Variants in EVC observed in about 807,000 individuals in gnomAD.
EVC encodes the protein EvC ciliary complex subunit 1.
In EVC, 116 loss-of-function variants were observed where a neutral mutation model predicts 118.9. That is an observed-to-expected ratio of 0.98 (90% CI 0.84 to 1.14). The LOEUF (loss-of-function observed/expected upper bound fraction) is 1.14, where lower values mean the gene tolerates loss of function less well. Ranked by LOEUF, EVC falls within the 50% of genes most tolerant of loss-of-function variation. The pLI, the probability that EVC is intolerant of heterozygous loss-of-function variation, is 0.00. For synonymous variants in EVC, 619 were observed against 534.7 expected (o/e 1.16, Z -2.18); for missense variants, 1,401 against 1,246.4 (o/e 1.12, Z -1.87).
rs887398519 is a variant in EVC, at chr4:5,793,627, C to T, written c.1796C>T (p.Ala599Val). The part of the protein sequence containing the change: ...QDQQVWMEEC[A>V]LSSVLQTHLR... Reference sequence around the variant, plus strand: ...GTTCAGGTGTGGATGGAGGAGTGTGCGCTGTCCAGCGTGCTGCAGACACAC... The same window carrying T: ...GTTCAGGTGTGGATGGAGGAGTGTGTGCTGTCCAGCGTGCTGCAGACACAC... The change falls in exon 13 of 21, where the codon GCG becomes GTG. Residue 599 changes from alanine to valine, a missense_variant. Coordinates refer to ENST00000264956, the MANE Select transcript of EVC (RefSeq NM_153717.3). 8 of 1,551,968 alleles carry T rather than the reference C, an allele frequency of 5.2e-6. No individual in the cohort carries two copies. Among genetic ancestry groups the T allele is most frequent in the Non-Finnish European group, 6.1e-6 (7 of 1,147,352 alleles).
At chr4:5,752,745 G>T in intron 8 of EVC, 91 bp from the exon 9 acceptor site, 2 of 1,296,698 alleles carry the variant, frequency 1.5e-6, no homozygotes, top group Admixed American at 1.7e-5. Flanking sequence ...ATTAGTTAAT[G>T]ACCCTGGTGG....
chr4:5,754,479 C>T lies in EVC; in HGVS notation c.1464+546C>T, dbSNP rs116200201. ...TGAAGGAGGACAAAAAGCAAGATGT[C>T]ACCCTCCAAGGAAAAGGAGTCAGCT... On this transcript the variant is annotated intron_variant, in intron 10 of 20. Transcript: ENST00000264956. This position sits in a 1 kb window ranked among gnomAD's most constrained non-coding sequence, Gnocchi z 5.8. 0.026 allele frequency among the ~76,000 whole-genome samples: 3,987 copies of T among 152,200 alleles called. 51 individuals are homozygous for T. Among genetic ancestry groups the T allele is most frequent in the Middle Eastern group, 0.075 (22 of 294 alleles).
chr4:5,751,014 C>A (rs114929960), intron 8 of EVC, among the ~76,000 whole-genome samples: 2,323 of 152,108 alleles, frequency 0.015, 62 homozygotes, highest in African/African-American at 0.053. Flanking sequence ...TCAAAGGGAC[C>A]CTGACGGTCA....
chr4:5,764,970 T>C (rs1242872232), intron 11 of EVC, among the ~76,000 whole-genome samples: 2 of 134,614 alleles, frequency 1.5e-5, no homozygotes, highest in African/African-American at 2.8e-5. Context: ...GCTCTTGCTT[T>C]TCTAGTTCTT....
intron 11 of EVC, among the ~76,000 whole-genome samples, chr4:5,776,036 T>A (rs1018246445): frequency 2.6e-5 from 4 of 152,136 alleles, no homozygotes; most frequent in Non-Finnish European, 4.4e-5. Context: ...TTTTTTTTAA[T>A]CAAGTTAAGG....
chr4:5,712,183 G>A (rs3774856), intron 1 of EVC, among the ~76,000 whole-genome samples: 124,556 of 152,162 alleles, frequency 0.82, 51,171 homozygotes, highest in African/African-American at 0.88. Context: ...GCGATGGGAC[G>A]CTGGCAATGC....
intron 11 of EVC, chr4:5,758,146 G>A (rs1174062327): frequency 4.3e-6 from 3 of 701,974 alleles, no homozygotes; most frequent in Non-Finnish European, 5.2e-6. Flanking sequence ...AGGGACTGGA[G>A]TGATGCAGCC....
rs1045412950 is a variant in EVC at position 5,798,870 on chromosome 4, T to C, written c.2304+78T>C. 2 of 1,444,064 alleles carry C rather than the reference T, an allele frequency of 1.4e-6. No homozygotes were observed. Among genetic ancestry groups the C allele is most frequent in the African/African-American group, 2.8e-5 (2 of 71,334 alleles). 89.5% of individuals were successfully genotyped at this position (1,444,064 alleles called of 1,614,324 possible). A position where few individuals can be genotyped will look rare whatever the true frequency, so the allele number is the denominator to read the frequency against. On this transcript the variant is annotated intron_variant, in intron 15 of 20. Coordinates refer to ENST00000264956, the MANE Select transcript of EVC (RefSeq NM_153717.3). This position sits in a 1 kb window ranked among gnomAD's most constrained non-coding sequence, Gnocchi z 4.1. The stretch of plus-strand genomic sequence containing the variant: ...AGGGTCCATGCCTGGGTCTGCTCCT[T>C]GCCACACCGTTCATGGAGCTTGTGG...
intron 11 of EVC, among the ~76,000 whole-genome samples, chr4:5,757,489 A>G (rs1169251893): frequency 6.6e-6 from 1 of 152,246 alleles, no homozygotes; most frequent in African/African-American, 2.4e-5. Context: ...CTGGTGGGTT[A>G]AACAACAGAA....
At chr4:5,827,697 C>T in the EVC span, among the ~76,000 whole-genome samples, 1 of 151,332 alleles carries the variant, frequency 6.6e-6, no homozygotes, top group African/African-American at 2.4e-5. Context: ...TACACATGCA[C>T]ACATGACACG....
chr4:5,824,892 T>G, the EVC span: 3 of 985,396 alleles, frequency 3.0e-6, no homozygotes, highest in Non-Finnish European at 3.6e-6. Flanking sequence ...CCCTGAGACC[T>G]TAAGAAAGTC....
intron 12 of EVC, among the ~76,000 whole-genome samples, chr4:5,785,310 G>T (rs1198821444): frequency 6.6e-6 from 1 of 152,214 alleles, no homozygotes; most frequent in African/African-American, 2.4e-5. Context: ...TGGCAGTGCT[G>T]TTAAGCCATT....
rs909084300 is a variant in EVC at position 5,797,104 on chromosome 4, G to C, written c.1969G>C (p.Ala657Pro). The C allele has an allele frequency of 6.2e-7, 1 of 1,613,560 alleles. No individual in the cohort carries two copies. The highest frequency in any genetic ancestry group is 1.3e-5 in the African/African-American group (1 of 75,060). ...GCTGGCACTCCGCGGCAACGCCCTG[G>C]CCACCCTGACGCAGATGCGGCTATC... ...RRLALRGNAL[A>P]TLTQMRLSGK... The change falls in exon 14 of 21, where the codon GCC becomes CCC. Residue 657 changes from alanine to proline, a missense_variant. Transcript: ENST00000264956.
chr4:5,769,723 G>A (rs1007261274), intron 11 of EVC, among the ~76,000 whole-genome samples: 4 of 152,124 alleles, frequency 2.6e-5, no homozygotes, highest in African/African-American at 9.7e-5. Flanking sequence ...GAAAGGCTCT[G>A]GGAGAAGGTG....
intron 16 of EVC, 106 bp downstream of exon 16, chr4:5,802,200 A>G (rs1715137626): frequency 1.4e-6 from 2 of 1,456,870 alleles, no homozygotes; most frequent in Non-Finnish European, 1.9e-6. Context: ...TTTTGGGAAT[A>G]TAATTATTTC....
chr4:5,729,346 G>A lies in EVC; in HGVS notation c.340G>A (p.Ala114Thr), dbSNP rs756208272. 9 of 1,613,862 alleles carry A rather than the reference G, an allele frequency of 5.6e-6. No homozygotes were observed. Among genetic ancestry groups the A allele is most frequent in the African/African-American group, 2.7e-5 (2 of 74,840 alleles). The change falls in exon 3 of 21, where the codon GCC becomes ACC. Residue 114 changes from alanine (A) to threonine (T), a missense_variant. Coordinates refer to ENST00000264956, the MANE Select transcript of EVC (RefSeq NM_153717.3). ...TTCCAACAGCAATATCACAGCATTCGCCCTGAAGGCCAAAGTCATCTACCC... is the reference window on the plus strand; with the variant it reads ...TTCCAACAGCAATATCACAGCATTCACCCTGAAGGCCAAAGTCATCTACCC... ...PPSNSNITAF[A>T]LKAKVIYPIN...
rs752347670 is a variant in EVC at position 5,756,238 on chromosome 4, A to G, written c.1465-26A>G. The G allele has an allele frequency of 5.1e-6, 8 of 1,556,438 alleles. No individual in the cohort carries two copies. Among genetic ancestry groups the G allele is most frequent in the Non-Finnish European group, 7.1e-6 (8 of 1,134,454 alleles). On this transcript the variant is annotated intron_variant, in intron 10 of 20. Coordinates refer to ENST00000264956, the MANE Select transcript of EVC (RefSeq NM_153717.3). This position sits in a 1 kb window ranked among gnomAD's most constrained non-coding sequence, Gnocchi z 4.2. ...AAAAAAAACCCTGCATGTTTCTACC[A>G]GACTCAGCTCTTGTTTTCCTCACAG...
chr4:5,719,183 A>C lies in EVC; in HGVS notation c.175-65A>C. Reference sequence around the variant, plus strand: ...TTGACTGGCAAAAGTCACGGTGGGGACCAGGCCGACTGACCTCAATGTTGT... The same window carrying C: ...TTGACTGGCAAAAGTCACGGTGGGGCCCAGGCCGACTGACCTCAATGTTGT... On this transcript the variant is annotated intron_variant, in intron 1 of 20. Transcript: ENST00000264956. The surrounding 1 kb of genome is among the most constrained non-coding windows in gnomAD (Gnocchi z 4.7). The C allele has an allele frequency of 5.0e-6, 8 of 1,609,980 alleles. No individual in the cohort carries two copies. Among genetic ancestry groups the C allele is most frequent in the Non-Finnish European group, 6.8e-6 (8 of 1,177,250 alleles).
downstream of EVC, among the ~76,000 whole-genome samples, chr4:5,816,694 T>G (rs1717749122): frequency 8.3e-6 from 1 of 120,982 alleles, no homozygotes; most frequent in African/African-American, 3.0e-5. Context: ...TCCCTTCCCT[T>G]CTCCCCTCTC....
Sources: allele counts gnomAD v4.1 joint callset (sites outside exome capture counted in the v4.1 genomes callset), GRCh38; gene constraint gnomAD v4.1.1; non-coding constraint Gnocchi (gnomAD v3.1); transcripts MANE v1.5; gene names NCBI Gene and HGNC (gene_info 2026-07-23, HGNC 2026-07-21).